Variants in STAT4 observed in about 807,000 individuals in gnomAD.
The protein encoded by STAT4 is signal transducer and activator of transcription 4.
Under a neutral mutation model 110.5 loss-of-function variants are expected in STAT4, and 42 were observed. The observed-to-expected ratio is 0.38, with a 90% CI of 0.30 to 0.49. The LOEUF is 0.49. Among genes scored for constraint, STAT4 ranks in the 20% least tolerant of loss-of-function variants. STAT4 has a pLI of 0.95. For synonymous variants in STAT4, 284 were observed against 302.2 expected, an observed-to-expected ratio of 0.94 and a Z score of 0.63; for missense variants, 632 against 887.9, an observed-to-expected ratio of 0.71 and a Z score of 3.66.
chr2:191,032,876 A>G lies in STAT4; in HGVS notation c.2044+82T>C. The G allele has an allele frequency of 7.4e-7, 1 of 1,348,168 alleles. No homozygotes were observed. The allele number at this position is 1,348,168 out of a possible 1,614,324, so 83.5% of individuals were successfully genotyped here. A position where few individuals can be genotyped will look rare whatever the true frequency, so the allele number is the denominator to read the frequency against. ...GAAATCAGAGTAAACAAGAAGGGGA[A>G]CTTCATTTACTTTGCTCCAATATGA... On this transcript the variant is annotated intron_variant, in intron 21 of 23. Transcript: ENST00000392320. This position sits in a 1 kb window ranked among gnomAD's most constrained non-coding sequence, Gnocchi z 4.9.
In STAT4 at chr2:191,142,181, T is replaced by C. The variant is rs1699352677; in HGVS notation, c.273+4432A>G. ...ATTTGGAATCAACCTAAGTGTCCAT[T>C]GATGGAAGAATGGATAAAGAAAATA... On this transcript the variant is annotated intron_variant, in intron 3 of 23. Transcript: ENST00000392320. The surrounding 1 kb of genome is among the most constrained non-coding windows in gnomAD (Gnocchi z 4.1). Among the ~76,000 whole-genome samples the C allele has an allele frequency of 6.6e-6, 1 of 151,770 alleles. No individual in the cohort carries two copies. Among genetic ancestry groups the C allele is most frequent in the Non-Finnish European group, 1.5e-5 (1 of 67,972 alleles).
rs1698401991 is a variant in STAT4 at position 191,110,763 on chromosome 2, T to C, written c.274-34438A>G. Among the ~76,000 whole-genome samples the C allele has an allele frequency of 6.6e-6, 1 of 152,100 alleles. No homozygotes were observed. Among genetic ancestry groups the C allele is most frequent in the African/African-American group, 2.4e-5 (1 of 41,404 alleles). On this transcript the variant is annotated intron_variant, in intron 3 of 23. Coordinates refer to ENST00000392320, the MANE Select transcript of STAT4 (RefSeq NM_003151.4). The surrounding 1 kb of genome is among the most constrained non-coding windows in gnomAD (Gnocchi z 4.5). ...ATTTATAGCACTACATTGAATTATA[T>C]TTTATTTTTAAATTTTTGTTTGTTT...
Position 191,031,140 on chromosome 2 carries a change from GACTT to G in STAT4, c.2112-64_2112-61del. 6.5e-7 allele frequency: 1 copy of G among 1,535,044 alleles called. No homozygotes were observed. On this transcript the variant is annotated intron_variant, in intron 22 of 23. Coordinates refer to ENST00000392320, the MANE Select transcript of STAT4 (RefSeq NM_003151.4). This position sits in a 1 kb window ranked among gnomAD's most constrained non-coding sequence, Gnocchi z 4.8. ...TTAAAAAATAATAATAGTTCACGGT[GACTT>G]ACTATGTCAGGAACTCATTTCTAGG... is the stretch of plus-strand genomic sequence containing the variant.
At chr2:191,141,569 T>A (rs897572058) in intron 3 of STAT4, among the ~76,000 whole-genome samples, 9 of 143,758 alleles carry the variant, frequency 6.3e-5, no homozygotes, top group Non-Finnish European at 1.1e-4. Context: ...ATACCATATA[T>A]GATATATATA....
chr2:191,114,259 G>A (rs535413474), intron 3 of STAT4, among the ~76,000 whole-genome samples: 14 of 152,158 alleles, frequency 9.2e-5, no homozygotes, highest in Middle Eastern at 6.8e-3. Flanking sequence ...CCAAAATCAC[G>A]GTAATGAGAC....
chr2:191,141,631 TTA>T lies in STAT4; in HGVS notation c.273+4980_273+4981del, dbSNP rs201224847. 4.1e-5 allele frequency among the ~76,000 whole-genome samples: 6 copies of T among 146,748 alleles called. No individual in the cohort carries two copies. In the South Asian group the frequency reaches 8.4e-4, roughly 21 times the overall value. Reference sequence around the variant, plus strand: ...CACACACACATATATATATATATGATTATATATATATATTTTTGAGACAGAGT... The same window carrying T: ...CACACACACATATATATATATATGATTATATATATATTTTTGAGACAGAGT... On this transcript the variant is annotated intron_variant, in intron 3 of 23. Coordinates refer to ENST00000392320, the MANE Select transcript of STAT4 (RefSeq NM_003151.4).
chr2:191,031,127 A>G lies in STAT4; in HGVS notation c.2112-47T>C. The G allele has an allele frequency of 6.3e-7, 1 of 1,582,568 alleles. No individual in the cohort carries two copies. Among genetic ancestry groups the G allele is most frequent in the Non-Finnish European group, 8.7e-7 (1 of 1,152,138 alleles). On this transcript the variant is annotated intron_variant, in intron 22 of 23. Transcript: ENST00000392320. This position sits in a 1 kb window ranked among gnomAD's most constrained non-coding sequence, Gnocchi z 4.8. ...ATATGGACAAGGATTAAAAAATAAT[A>G]ATAGTTCACGGTGACTTACTATGTC... is the stretch of plus-strand genomic sequence containing the variant.
At chr2:191,055,383 T>A (rs1170090374) in intron 13 of STAT4, among the ~76,000 whole-genome samples, 1 of 144,638 alleles carries the variant, frequency 6.9e-6, no homozygotes, top group Non-Finnish European at 1.5e-5. Context: ...TTTTTTTTTT[T>A]TTTTTTTTTG....
intron 3 of STAT4, among the ~76,000 whole-genome samples, chr2:191,105,064 TC>T (rs1698240328): frequency 1.3e-5 from 2 of 152,178 alleles, no homozygotes; most frequent in Admixed American, 1.3e-4. Flanking sequence ...CATATTTAAA[TC>T]CCCATATAAT....
rs772170391 is a variant in STAT4 at position 191,117,583 on chromosome 2, C to T, written c.273+29030G>A. On this transcript the variant is annotated intron_variant, in intron 3 of 23. Coordinates refer to ENST00000392320, the MANE Select transcript of STAT4 (RefSeq NM_003151.4). The surrounding 1 kb of genome is among the most constrained non-coding windows in gnomAD (Gnocchi z 5.2). ...GTGGGAGTGCAGAGGAGAGAAAACTCGATGTGGATTTTAATGACACATAGA... is the reference window on the plus strand; with the variant it reads ...GTGGGAGTGCAGAGGAGAGAAAACTTGATGTGGATTTTAATGACACATAGA... Among the ~76,000 whole-genome samples, 2 of 152,036 alleles carry T rather than the reference C, an allele frequency of 1.3e-5. No homozygotes were observed. The highest frequency in any genetic ancestry group is 2.9e-5 in the Non-Finnish European group (2 of 68,018).
Position 191,032,370 on chromosome 2 carries a change from T to C in STAT4, c.2044+588A>G, listed in dbSNP as rs1343130632. 2 of 152,226 alleles carry C rather than the reference T, an allele frequency of 1.3e-5. No homozygotes were observed. Among genetic ancestry groups the C allele is most frequent in the Non-Finnish European group, 2.9e-5 (2 of 68,072 alleles). 9.4% of individuals were successfully genotyped at this position (152,226 alleles called of 1,614,324 possible). On this transcript the variant is annotated intron_variant, in intron 21 of 23. Coordinates refer to ENST00000392320, the MANE Select transcript of STAT4 (RefSeq NM_003151.4). This position sits in a 1 kb window ranked among gnomAD's most constrained non-coding sequence, Gnocchi z 4.9. ...TTCTTTTATGTATTCAACAAATATT[T>C]ACTGAATCCCTCTTTTAGCCAGACA... is the stretch of plus-strand genomic sequence containing the variant.
chr2:191,148,314 C>G, intron 1 of STAT4, 110 bp from the exon 2 acceptor site: 3 of 1,356,568 alleles, frequency 2.2e-6, no homozygotes, highest in Middle Eastern at 2.1e-4. Context: ...TCCAATATAT[C>G]CAAGGATACA....
rs1420002506 is a variant in STAT4 at position 191,140,502 on chromosome 2, C to G, written c.273+6111G>C. Among the ~76,000 whole-genome samples the G allele has an allele frequency of 6.6e-6, 1 of 152,202 alleles. No individual in the cohort carries two copies. Among genetic ancestry groups the G allele is most frequent in the Non-Finnish European group, 1.5e-5 (1 of 68,026 alleles). On this transcript the variant is annotated intron_variant, in intron 3 of 23. Transcript: ENST00000392320. This position sits in a 1 kb window ranked among gnomAD's most constrained non-coding sequence, Gnocchi z 4.4. ...AAACATGTAAAAATGCTCAACATCA[C>G]TAATTGTCAGTAAAATACAAATTAA...
intron 14 of STAT4, among the ~76,000 whole-genome samples, chr2:191,045,560 C>A (rs1276155535): frequency 6.6e-6 from 1 of 152,118 alleles, no homozygotes; most frequent in Non-Finnish European, 1.5e-5. Flanking sequence ...GTGGCAGGGT[C>A]ACCTGAAAAG....
In STAT4 at chr2:191,051,114, G is replaced by C. The variant is rs1235061843; in HGVS notation, c.1251+3376C>G. Among the ~76,000 whole-genome samples the C allele has an allele frequency of 6.6e-6, 1 of 152,146 alleles. No individual in the cohort carries two copies. The highest frequency in any genetic ancestry group is 2.4e-5 in the African/African-American group (1 of 41,418). ...TTCCAGACATGAAATCCCATAAAGG[G>C]GCATACACAAATGGTGACCTGAGGT... On this transcript the variant is annotated intron_variant, in intron 14 of 23. Coordinates refer to ENST00000392320, the MANE Select transcript of STAT4 (RefSeq NM_003151.4). This position sits in a 1 kb window ranked among gnomAD's most constrained non-coding sequence, Gnocchi z 5.6.
chr2:191,141,390 ATATATCATATATATACATATACATATG>A (rs1415282368), intron 3 of STAT4, among the ~76,000 whole-genome samples: 3 of 148,504 alleles, frequency 2.0e-5, no homozygotes, highest in South Asian at 2.1e-4. Flanking sequence ...ACATGTATAT[ATATATCATATATATACATATACATATG>A]TATATCACAT....
In STAT4 at chr2:191,145,772, G is replaced by T. The variant is rs756635869; in HGVS notation, c.273+841C>A. 2.5e-4 allele frequency among the ~76,000 whole-genome samples: 38 copies of T among 152,270 alleles called. 1 individual carries two copies. The Middle Eastern group carries it at 0.027, about 109-fold the overall frequency. On this transcript the variant is annotated intron_variant, in intron 3 of 23. Coordinates refer to ENST00000392320, the MANE Select transcript of STAT4 (RefSeq NM_003151.4). The stretch of plus-strand genomic sequence containing the variant: ...TCTAAAAATGTCTCCATGAAGAATG[G>T]CACAAAGCACTTTTTCTGTTATTTA...
rs1003161686 is a variant in STAT4, at chr2:191,058,349, G to T, written c.1095-130C>A. On this transcript the variant is annotated intron_variant, in intron 11 of 23. Coordinates refer to ENST00000392320, the MANE Select transcript of STAT4 (RefSeq NM_003151.4). The surrounding 1 kb of genome is among the most constrained non-coding windows in gnomAD (Gnocchi z 4.3). ...GTCTCGCTCTGTCGTCCAGGCTGGA[G>T]TGCAGTGGTGCAATCTTGGCTCACT... 5.3e-5 allele frequency: 49 copies of T among 919,716 alleles called. No individual in the cohort carries two copies. In the Admixed American group the frequency reaches 1.4e-3, roughly 25 times the overall value. The allele number at this position is 919,716 out of a possible 1,614,324, so 57.0% of individuals were successfully genotyped here. A position where few individuals can be genotyped will look rare whatever the true frequency, so the allele number is the denominator to read the frequency against.
chr2:191,057,630 G>C (rs1696741486), intron 13 of STAT4, among the ~76,000 whole-genome samples: 1 of 126,284 alleles, frequency 7.9e-6, no homozygotes. Context: ...ATGCAGTCTC[G>C]CATTGTGGCC....
Sources: gnomAD v4.1 joint callset for allele counts (sites outside exome capture counted in the v4.1 genomes callset) on GRCh38, gnomAD v4.1.1 for gene constraint, Gnocchi (gnomAD v3.1) non-coding constraint, MANE v1.5 for transcripts, NCBI Gene and HGNC (gene_info 2026-07-23, HGNC 2026-07-21) for gene names.